The following KCNMA1 variants were observed in gnomAD, a reference collection of about 807,000 sequenced individuals.
The protein encoded by KCNMA1 is potassium calcium-activated channel subfamily M alpha 1.
Under a neutral mutation model 140.0 loss-of-function variants are expected in KCNMA1, and 29 were observed. The observed-to-expected ratio is 0.21, with a 90% CI of 0.15 to 0.28. The LOEUF (loss-of-function observed/expected upper bound fraction) is 0.28. KCNMA1 is among the 10% of genes least tolerant of loss of function. The pLI, the probability that KCNMA1 is intolerant of heterozygous loss-of-function variation, is 1.00. For missense variants in KCNMA1, 880 were observed against 1,602.2 expected, an observed-to-expected ratio of 0.55 and a Z score of 7.70; for synonymous variants, 612 against 611.9, an observed-to-expected ratio of 1.00 and a Z score of 0.00.
chr10:77,005,104 A>G (rs896515373), intron 18 of KCNMA1, among the ~76,000 whole-genome samples: 1 of 152,184 alleles, frequency 6.6e-6, no homozygotes, highest in Non-Finnish European at 1.5e-5. Flanking sequence ...GTCAATGGTA[A>G]TACAAAGTAG....
chr10:77,334,579 AC>A (rs1470582314), intron 2 of KCNMA1, among the ~76,000 whole-genome samples: 1 of 152,216 alleles, frequency 6.6e-6, no homozygotes, highest in Non-Finnish European at 1.5e-5. Flanking sequence ...CCTGCTGAGT[AC>A]AAGGCATTTT....
chr10:77,414,875 A>G (rs907119181), intron 1 of KCNMA1, among the ~76,000 whole-genome samples: 1 of 152,176 alleles, frequency 6.6e-6, no homozygotes, highest in African/African-American at 2.4e-5. Context: ...TGAAATTTCA[A>G]TCTAGTCCAT....
intron 20 of KCNMA1, among the ~76,000 whole-genome samples, chr10:76,960,743 C>T (rs928381036): frequency 7.0e-6 from 1 of 143,746 alleles, no homozygotes; most frequent in Non-Finnish European, 1.5e-5. Context: ...GTTAAATGAG[C>T]TTTGACTTCA....
intron 2 of KCNMA1, among the ~76,000 whole-genome samples, chr10:77,264,052 A>C (rs1021144605): frequency 1.3e-5 from 2 of 152,184 alleles, no homozygotes; most frequent in African/African-American, 4.8e-5. Flanking sequence ...ACAAGATAGC[A>C]TCCCTCATGC....
At chr10:77,038,441 A>T (rs2094466062) in intron 15 of KCNMA1, among the ~76,000 whole-genome samples, 2 of 152,172 alleles carry the variant, frequency 1.3e-5, no homozygotes. Context: ...ATCCTTTGCT[A>T]AGGTGTCAGG....
At chr10:76,992,964 A>G (rs755016288) in intron 19 of KCNMA1, among the ~76,000 whole-genome samples, 2 of 152,200 alleles carry the variant, frequency 1.3e-5, no homozygotes, top group Non-Finnish European at 2.9e-5. Context: ...CATCGATGTA[A>G]GGAGACATGC....
At chr10:76,936,501 C>T (rs2060585907) in intron 23 of KCNMA1, among the ~76,000 whole-genome samples, 1 of 152,250 alleles carries the variant, frequency 6.6e-6, no homozygotes, top group East Asian at 1.9e-4. Flanking sequence ...AATATTTTAG[C>T]GCTGAGCTTT....
At chr10:77,039,159 A>T in intron 15 of KCNMA1, 1 of 320,348 alleles carries the variant, frequency 3.1e-6, no homozygotes. Flanking sequence ...AATTCCTTTC[A>T]TTGAGGGGCT....
At chr10:77,601,689 A>G (rs2082690594) in intron 1 of KCNMA1, among the ~76,000 whole-genome samples, 1 of 152,162 alleles carries the variant, frequency 6.6e-6, no homozygotes, top group Non-Finnish European at 1.5e-5. Context: ...TTATTGTCTG[A>G]GGTCATTACC....
intron 3 of KCNMA1, among the ~76,000 whole-genome samples, chr10:77,208,185 A>G (rs1184802316): frequency 1.3e-5 from 2 of 152,214 alleles, no homozygotes; most frequent in East Asian, 3.8e-4. Flanking sequence ...ATGAGAATGA[A>G]TATTTGGGCT....
At chr10:77,636,287 A>G in intron 1 of KCNMA1, 1 of 1,466,470 alleles carries the variant, frequency 6.8e-7, no homozygotes, top group Non-Finnish European at 9.0e-7. Context: ...AAGGGAAGAC[A>G]TCTCTAGGGA....
downstream of KCNMA1, chr10:76,877,398 C>A: frequency 6.4e-6 from 1 of 157,436 alleles, no homozygotes. Flanking sequence ...AGTCTGACCA[C>A]TTATTCATTT....
chr10:77,298,543 T>G (rs1348793818), intron 2 of KCNMA1, among the ~76,000 whole-genome samples: 4 of 151,972 alleles, frequency 2.6e-5, no homozygotes, highest in African/African-American at 9.7e-5. Flanking sequence ...TGCCCAAACT[T>G]GCAGCTTATT....
At chr10:77,626,030 T>C (rs1301650118) in intron 1 of KCNMA1, among the ~76,000 whole-genome samples, 1 of 152,192 alleles carries the variant, frequency 6.6e-6, no homozygotes, top group Non-Finnish European at 1.5e-5. Flanking sequence ...TCTATTTTTT[T>C]TTTTTTACAG....
chr10:77,489,005 A>G (rs1350058473), intron 1 of KCNMA1, among the ~76,000 whole-genome samples: 1 of 152,052 alleles, frequency 6.6e-6, no homozygotes, highest in Non-Finnish European at 1.5e-5. Flanking sequence ...TGCTCCACTC[A>G]AGGCCCACCT....
intron 19 of KCNMA1, chr10:76,980,391 C>T (rs1208600134): frequency 5.3e-5 from 8 of 152,290 alleles, no homozygotes; most frequent in Non-Finnish European, 8.8e-5. Context: ...CAATGTCCTA[C>T]GATCTACTGT....
At position 77,108,245 on chromosome 10, in the gene KCNMA1, A is replaced by C. The variant is rs1252213175; in HGVS notation, c.1223+236T>G. On this transcript the variant is annotated intron_variant, in intron 9 of 27. Transcript: ENST00000286628. The surrounding 1 kb of genome is among the most constrained non-coding windows in gnomAD (Gnocchi z 4.6). ...GATGGCACCTCCACAGGGACTCCTG[A>C]AAGTCACTCAACCACATCTTTTCTG... The C allele has an allele frequency of 8.5e-6, 12 of 1,410,526 alleles. No homozygotes were observed. Among genetic ancestry groups the C allele is most frequent in the Non-Finnish European group, 1.1e-5 (12 of 1,073,746 alleles). 87.4% of individuals were successfully genotyped at this position (1,410,526 alleles called of 1,614,324 possible). A position where few individuals can be genotyped will look rare whatever the true frequency, so the allele number is the denominator to read the frequency against.
intron 19 of KCNMA1, among the ~76,000 whole-genome samples, chr10:76,992,444 A>G (rs1045009716): frequency 2.6e-5 from 4 of 152,312 alleles, no homozygotes; most frequent in Middle Eastern, 3.4e-3. Flanking sequence ...CTTTGGGAAA[A>G]AGGTCAGCTG....
downstream of KCNMA1, chr10:76,873,066 G>A (rs1358926491): frequency 1.3e-5 from 2 of 152,122 alleles, no homozygotes; most frequent in African/African-American, 4.8e-5. Flanking sequence ...ATATCATGGA[G>A]CTTCCAACTG....
Sources: gnomAD v4.1 joint callset for allele counts (sites outside exome capture counted in the v4.1 genomes callset) on GRCh38, gnomAD v4.1.1 for gene constraint, Gnocchi (gnomAD v3.1) non-coding constraint, MANE v1.5 for transcripts, NCBI Gene and HGNC (gene_info 2026-07-23, HGNC 2026-07-21) for gene names.